Variants in SSH2 observed in about 807,000 individuals in gnomAD.
The protein encoded by SSH2 is protein phosphatase Slingshot homolog 2.
A neutral mutation model predicts 135.2 loss-of-function variants in SSH2; 37 were observed. The observed-to-expected ratio is 0.27, with a 90% CI of 0.21 to 0.36. The LOEUF (loss-of-function observed/expected upper bound fraction) is 0.36, where lower values mean the gene tolerates loss of function less well. Ranked by LOEUF, SSH2 falls within the 10% of genes least tolerant of loss-of-function variation. The pLI is 1.00. For synonymous variants in SSH2, 628 were observed against 646.2 expected, an observed-to-expected ratio of 0.97 and a Z score of 0.43; for missense variants, 1,408 against 1,765.3, an observed-to-expected ratio of 0.80 and a Z score of 3.63.
At chr17:29,770,102 T>TTTG (rs2041541975) in intron 3 of SSH2, among the ~76,000 whole-genome samples, 1 of 147,962 alleles carries the variant, frequency 6.8e-6, no homozygotes, top group Non-Finnish European at 1.5e-5. Flanking sequence ...GTTTTTTTTT[T>TTTG]TTTTTTTTTT....
At chr17:29,746,392 A>C (rs28641862) in intron 3 of SSH2, among the ~76,000 whole-genome samples, 2 of 151,656 alleles carry the variant, frequency 1.3e-5, no homozygotes, top group Non-Finnish European at 2.9e-5. Context: ...CTAAAAAAAA[A>C]CAAAAATTAG....
At chr17:29,918,694 T>C (rs2066923735) in intron 1 of SSH2, among the ~76,000 whole-genome samples, 1 of 152,178 alleles carries the variant, frequency 6.6e-6, no homozygotes, top group Admixed American at 6.5e-5. Context: ...CCCAACACTT[T>C]GGGAGGCTGA....
intron 2 of SSH2, among the ~76,000 whole-genome samples, chr17:29,795,512 A>C (rs1215850008): frequency 1.3e-5 from 2 of 152,192 alleles, no homozygotes; most frequent in Non-Finnish European, 2.9e-5. Context: ...TAGAGACTGA[A>C]AAAAGGTTTA....
At chr17:29,853,396 A>G (rs1217403649) in intron 1 of SSH2, among the ~76,000 whole-genome samples, 2 of 151,586 alleles carry the variant, frequency 1.3e-5, no homozygotes, top group African/African-American at 4.9e-5. Context: ...AGGTGGGCTT[A>G]ATTATACATA....
chr17:29,678,656 G>A (rs1473183385), intron 6 of SSH2, among the ~76,000 whole-genome samples: 1 of 149,824 alleles, frequency 6.7e-6, no homozygotes, highest in Non-Finnish European at 1.5e-5. Flanking sequence ...ACAGTTAATA[G>A]AAATGTCAAC....
At chr17:29,710,056 A>C (rs756070073) in intron 3 of SSH2, among the ~76,000 whole-genome samples, 7 of 152,208 alleles carry the variant, frequency 4.6e-5, no homozygotes, top group Non-Finnish European at 7.3e-5. Flanking sequence ...AAAATATTTA[A>C]CTGTTCTGAG....
chr17:29,741,559 T>C (rs2040553362), intron 3 of SSH2, among the ~76,000 whole-genome samples: 1 of 151,306 alleles, frequency 6.6e-6, no homozygotes, highest in South Asian at 2.1e-4. Context: ...CTCAATATGC[T>C]GAAATGAAAA....
chr17:29,849,275 C>T (rs948989134), intron 1 of SSH2, among the ~76,000 whole-genome samples: 19 of 151,462 alleles, frequency 1.3e-4, no homozygotes, highest in African/African-American at 4.1e-4. Flanking sequence ...GTCAGGAGAT[C>T]GAGACTATCC....
At chr17:29,719,245 AAC>A (rs2039734422) in intron 3 of SSH2, among the ~76,000 whole-genome samples, 1 of 152,188 alleles carries the variant, frequency 6.6e-6, no homozygotes, top group South Asian at 2.1e-4. Context: ...CATTTGTAGA[AAC>A]TCAGAATCTG....
At chr17:29,760,485 C>T (rs1384726089) in intron 3 of SSH2, among the ~76,000 whole-genome samples, 1 of 152,138 alleles carries the variant, frequency 6.6e-6, no homozygotes. Flanking sequence ...TCAGAAACAG[C>T]TAAACCACAG....
chr17:29,716,060 C>T (rs887000905), intron 3 of SSH2, among the ~76,000 whole-genome samples: 26 of 152,282 alleles, frequency 1.7e-4, no homozygotes, highest in African/African-American at 6.0e-4. Context: ...TTTCTCTCAC[C>T]TGCAGACTTA....
intron 1 of SSH2, among the ~76,000 whole-genome samples, chr17:29,910,330 A>AG (rs2151472279): frequency 6.6e-6 from 1 of 151,432 alleles, no homozygotes; most frequent in Non-Finnish European, 1.5e-5. Context: ...AACCTATAAA[A>AG]AAAAATTTCC....
At chr17:29,879,532 G>T (rs2066099107) in intron 1 of SSH2, among the ~76,000 whole-genome samples, 1 of 152,050 alleles carries the variant, frequency 6.6e-6, no homozygotes, top group Non-Finnish European at 1.5e-5. Context: ...TGGTACATTT[G>T]TTACAATTGA....
At position 29,856,085 on chromosome 17, in the gene SSH2, T is replaced by C. The variant is rs2065658185; in HGVS notation, c.64-7156A>G. On this transcript the variant is annotated intron_variant, in intron 1 of 15. Coordinates refer to ENST00000540801, the MANE Select transcript of SSH2 (RefSeq NM_001282129.2). ...TAGTTATCCAGGAGCATGGGTCTCT[T>C]GATAAAATCCAAAATTTCTTGGGTG... is the stretch of plus-strand genomic sequence containing the variant. The C allele has an allele frequency of 9.0e-6, 3 of 333,420 alleles. No individual in the cohort carries two copies. In the Admixed American group the frequency reaches 1.3e-4, roughly 14 times the overall value. The allele number at this position is 333,420 out of a possible 1,614,324, so 20.7% of individuals were successfully genotyped here.
intron 3 of SSH2, among the ~76,000 whole-genome samples, chr17:29,783,837 CGGG>C (rs2041895918): frequency 6.7e-6 from 1 of 148,616 alleles, no homozygotes; most frequent in Non-Finnish European, 1.5e-5. Flanking sequence ...GAGGCCGAGG[CGGG>C]CGGATCACGA....
chr17:29,721,991 G>C (rs1023356707), intron 3 of SSH2, among the ~76,000 whole-genome samples: 2 of 152,140 alleles, frequency 1.3e-5, no homozygotes, highest in African/African-American at 4.8e-5. Flanking sequence ...AATGTAATTT[G>C]TAAGGCCGGA....
intron 5 of SSH2, among the ~76,000 whole-genome samples, chr17:29,689,091 G>T (rs1310887032): frequency 6.6e-6 from 1 of 152,088 alleles, no homozygotes; most frequent in Non-Finnish European, 1.5e-5. Context: ...CCAGGAGGAG[G>T]AGGTTGCAGT....
intron 1 of SSH2, among the ~76,000 whole-genome samples, chr17:29,849,478 CAA>C (rs36026122): frequency 4.3e-4 from 21 of 48,334 alleles, no homozygotes; most frequent in African/African-American, 1.3e-3. Context: ...GACTCCGTCT[CAA>C]AAAAAAAAAA....
At chr17:29,763,765 G>GCGA (rs1404569462) in intron 3 of SSH2, among the ~76,000 whole-genome samples, 2 of 152,106 alleles carry the variant, frequency 1.3e-5, no homozygotes, top group African/African-American at 4.8e-5. Context: ...GGTTCCTATA[G>GCGA]CGACGCCCCA....
Sources: gnomAD v4.1 joint callset for allele counts (sites outside exome capture counted in the v4.1 genomes callset) on GRCh38, gnomAD v4.1.1 for gene constraint, MANE v1.5 for transcripts, NCBI Gene and HGNC (gene_info 2026-07-23, HGNC 2026-07-21) for gene names.